Variants in CRPPA observed in about 807,000 individuals in gnomAD.
CRPPA encodes CDP-L-ribitol pyrophosphorylase A, also known as D-ribitol-5-phosphate cytidylyltransferase.
Under a neutral mutation model 52.0 loss-of-function variants are expected in CRPPA, and 43 were observed. That is an observed-to-expected ratio of 0.83 (90% CI 0.65 to 1.07). CRPPA has a LOEUF of 1.07. Among genes scored for constraint, CRPPA ranks in the 50% least tolerant of loss-of-function variants. The pLI is 0.00. For synonymous variants in CRPPA, 250 were observed against 203.5 expected (o/e 1.23, Z -1.94); for missense variants, 629 against 551.7 (o/e 1.14, Z -1.40).
intron 2 of CRPPA, among the ~76,000 whole-genome samples, chr7:16,377,510 A>C (rs1294753735): frequency 6.6e-6 from 1 of 152,238 alleles, no homozygotes; most frequent in African/African-American, 2.4e-5. Context: ...CAAAATGCCA[A>C]TGCAAGGAGC....
chr7:16,405,902 C>A (rs1459028380), intron 2 of CRPPA, among the ~76,000 whole-genome samples, 159 bp downstream of exon 2: 1 of 152,178 alleles, frequency 6.6e-6, no homozygotes, highest in East Asian at 1.9e-4. Context: ...AGAACAGTCT[C>A]AATCTATAAA....
intron 4 of CRPPA, among the ~76,000 whole-genome samples, chr7:16,302,873 G>A (rs978678647): frequency 1.9e-4 from 29 of 152,176 alleles, no homozygotes; most frequent in Admixed American, 1.1e-3. Context: ...TGTTGTGCAA[G>A]GTCAAAGGAA....
At chr7:16,183,278 G>A (rs904044251) in intron 9 of CRPPA, among the ~76,000 whole-genome samples, 1 of 152,190 alleles carries the variant, frequency 6.6e-6, no homozygotes, top group African/African-American at 2.4e-5. Flanking sequence ...GGAAAGTGCA[G>A]GTTTCCAGGT....
At chr7:16,242,940 A>G (rs913474757) in intron 8 of CRPPA, among the ~76,000 whole-genome samples, 1 of 152,192 alleles carries the variant, frequency 6.6e-6, no homozygotes, top group Non-Finnish European at 1.5e-5. Flanking sequence ...CCACACGACA[A>G]TTTCAGGCCA....
intron 3 of CRPPA, among the ~76,000 whole-genome samples, chr7:16,315,363 G>C (rs1007904557): frequency 3.9e-5 from 6 of 152,200 alleles, no homozygotes; most frequent in Admixed American, 3.3e-4. Flanking sequence ...ATCTGGGTCT[G>C]GTTCTTATGC....
At chr7:16,378,342 T>C (rs1023702121) in intron 2 of CRPPA, among the ~76,000 whole-genome samples, 1 of 143,362 alleles carries the variant, frequency 7.0e-6, no homozygotes, top group Middle Eastern at 3.3e-3. Flanking sequence ...TTCCCACCTA[T>C]GAGTGAGAAC....
intron 9 of CRPPA, among the ~76,000 whole-genome samples, 167 bp downstream of exon 9, chr7:16,215,899 T>C (rs766163691): frequency 7.9e-5 from 12 of 152,222 alleles, no homozygotes; most frequent in Non-Finnish European, 1.5e-4. Flanking sequence ...GTTTCTATTT[T>C]TTTCCTAGAG....
At chr7:16,322,906 G>T (rs1562630608) in intron 3 of CRPPA, among the ~76,000 whole-genome samples, 1 of 152,148 alleles carries the variant, frequency 6.6e-6, no homozygotes. Context: ...AATTATGGCA[G>T]AAGGTACCCC....
chr7:16,126,622 A>G (rs368234291), intron 9 of CRPPA, among the ~76,000 whole-genome samples: 1 of 152,212 alleles, frequency 6.6e-6, no homozygotes, highest in South Asian at 2.1e-4. Flanking sequence ...CTAGAATTGC[A>G]TTTGGAGATA....
chr7:16,418,804 G>C (rs1270863590), intron 1 of CRPPA, among the ~76,000 whole-genome samples: 3 of 152,118 alleles, frequency 2.0e-5, no homozygotes, highest in Non-Finnish European at 4.4e-5. Flanking sequence ...TGAGATTTTT[G>C]GGTGGAGACA....
chr7:16,133,651 C>A (rs1407532062), intron 9 of CRPPA, among the ~76,000 whole-genome samples: 1 of 123,782 alleles, frequency 8.1e-6, no homozygotes, highest in African/African-American at 2.6e-5. Flanking sequence ...CATGTTTAGT[C>A]TAATACTGTA....
chr7:16,284,526 CTCTT>C (rs1784383305), intron 5 of CRPPA, among the ~76,000 whole-genome samples: 1 of 152,050 alleles, frequency 6.6e-6, no homozygotes, highest in African/African-American at 2.4e-5. Context: ...TCAAATTAAT[CTCTT>C]TCTTATGGTC....
At chr7:16,275,760 A>T (rs1014032046) in intron 6 of CRPPA, among the ~76,000 whole-genome samples, 1 of 152,142 alleles carries the variant, frequency 6.6e-6, no homozygotes, top group African/African-American at 2.4e-5. Context: ...TGAGCCCAGC[A>T]GGCCAAGGCC....
intron 3 of CRPPA, among the ~76,000 whole-genome samples, chr7:16,309,043 A>G (rs916978626): frequency 6.6e-6 from 1 of 152,226 alleles, no homozygotes; most frequent in Non-Finnish European, 1.5e-5. Flanking sequence ...TCTTGTATTT[A>G]TATCAGGACA....
chr7:16,340,590 C>T (rs1392231387), intron 3 of CRPPA, among the ~76,000 whole-genome samples: 4 of 129,754 alleles, frequency 3.1e-5, no homozygotes, highest in Non-Finnish European at 6.5e-5. Flanking sequence ...AAATTGCTGG[C>T]AATAATGTGG....
At chr7:16,393,078 A>G (rs1332277191) in intron 2 of CRPPA, among the ~76,000 whole-genome samples, 2 of 152,108 alleles carry the variant, frequency 1.3e-5, no homozygotes, top group Non-Finnish European at 2.9e-5. Context: ...CAACAACTAT[A>G]AGATACAATA....
intron 9 of CRPPA, among the ~76,000 whole-genome samples, chr7:16,205,824 G>A (rs1781961785): frequency 6.6e-6 from 1 of 151,422 alleles, no homozygotes; most frequent in Non-Finnish European, 1.5e-5. Flanking sequence ...TCCCTAAAGA[G>A]CCAAAATCCT....
chr7:16,241,984 A>T (rs1783126768), intron 8 of CRPPA, among the ~76,000 whole-genome samples: 1 of 106,980 alleles, frequency 9.3e-6, no homozygotes, highest in Non-Finnish European at 1.8e-5. Context: ...GGGGAGATAG[A>T]GTCTCGCTCT....
At chr7:16,275,680 A>C (rs1295639805) in intron 6 of CRPPA, among the ~76,000 whole-genome samples, 1 of 152,134 alleles carries the variant, frequency 6.6e-6, no homozygotes, top group Non-Finnish European at 1.5e-5. Context: ...AGGAAAAAAA[A>C]AATTAGCTGG....
Sources: allele counts gnomAD v4.1 joint callset (sites outside exome capture counted in the v4.1 genomes callset), GRCh38; gene constraint gnomAD v4.1.1; transcripts MANE v1.5; gene names NCBI Gene and HGNC (gene_info 2026-07-23, HGNC 2026-07-21).